CEP128: variants seen among roughly 807,000 people sequenced by gnomAD.
The protein encoded by CEP128 is centrosomal protein 128, also known as centrosomal protein 128kDa.
A neutral mutation model predicts 156.7 loss-of-function variants in CEP128; 132 were observed. The ratio of observed to expected loss-of-function variants is 0.84; its 90% CI spans 0.73 to 0.97. CEP128 has a LOEUF of 0.97. CEP128 is among the 50% of genes least tolerant of loss of function. CEP128 has a pLI of 0.00. For missense variants in CEP128, 1,252 were observed against 1,281.9 expected (o/e 0.98, Z 0.36); for synonymous variants, 469 against 448.9 (o/e 1.04, Z -0.57).
In CEP128 at chr14:80,770,251, T is replaced by C. The variant is rs972044156; in HGVS notation, c.2376+7631A>G. Among the ~76,000 whole-genome samples the C allele has an allele frequency of 3.9e-5, 6 of 152,338 alleles. No individual in the cohort carries two copies. The East Asian group carries it at 1.2e-3, about 29-fold the overall frequency. ...TAAAATCAACCTCTTTGATTGTAAA[T>C]AGTTGGTAGGAAAGTCATTGCCAAT... On this transcript the variant is annotated intron_variant, in intron 16 of 24. Transcript: ENST00000555265.
At chr14:80,600,735 T>A (rs1892545975) in intron 19 of CEP128, among the ~76,000 whole-genome samples, 1 of 152,174 alleles carries the variant, frequency 6.6e-6, no homozygotes, top group East Asian at 1.9e-4. Context: ...TAGACAAAAA[T>A]GTATTTTTTT....
intron 19 of CEP128, among the ~76,000 whole-genome samples, chr14:80,594,853 G>A (rs1181564234): frequency 6.6e-6 from 1 of 152,134 alleles, no homozygotes; most frequent in Non-Finnish European, 1.5e-5. Flanking sequence ...GCAGAAATAG[G>A]AACACTTTTA....
Position 80,743,244 on chromosome 14 carries a change from C to G in CEP128, c.2637G>C (p.Glu879Asp). ...ESKTKLQWLC[E>D]ELKERENREK... ...CTCTGTTTTCTCTCTCTTTCAGTTC[C>G]TCACAGAGCCACTGAAGTTTAGTCT... Residue 879 changes from glutamate (E) to aspartate (D), a missense_variant, in exon 19 of 25, where the codon GAG becomes GAC. Coordinates refer to ENST00000555265, the MANE Select transcript of CEP128 (RefSeq NM_152446.5). 1 of 1,612,742 alleles carries G rather than the reference C, an allele frequency of 6.2e-7. No individual in the cohort carries two copies. Among genetic ancestry groups the G allele is most frequent in the Non-Finnish European group, 8.5e-7 (1 of 1,179,330 alleles).
At chr14:80,853,689 G>T (rs2140126873) in intron 9 of CEP128, among the ~76,000 whole-genome samples, 1 of 151,934 alleles carries the variant, frequency 6.6e-6, no homozygotes, top group East Asian at 1.9e-4. Flanking sequence ...CAATAAAAAT[G>T]CCAGCATGAT....
intron 19 of CEP128, among the ~76,000 whole-genome samples, chr14:80,645,772 T>G (rs1779236353): frequency 6.6e-6 from 1 of 152,126 alleles, no homozygotes; most frequent in African/African-American, 2.4e-5. Flanking sequence ...TGCACATGAA[T>G]GTTTACAGCA....
At chr14:80,561,913 T>TA (rs1566781226) in intron 20 of CEP128, among the ~76,000 whole-genome samples, 3 of 148,498 alleles carry the variant, frequency 2.0e-5, no homozygotes, top group South Asian at 2.1e-4. Context: ...TATATATATA[T>TA]TTGTTTTGTT....
intron 8 of CEP128, among the ~76,000 whole-genome samples, chr14:80,864,025 G>A (rs767195549): frequency 2.6e-5 from 4 of 152,178 alleles, no homozygotes; most frequent in Non-Finnish European, 2.9e-5. Flanking sequence ...TGCTGAGATA[G>A]CAAGACCAAT....
At chr14:80,837,681 A>G (rs1200100707) in intron 11 of CEP128, among the ~76,000 whole-genome samples, 1 of 152,206 alleles carries the variant, frequency 6.6e-6, no homozygotes, top group African/African-American at 2.4e-5. Flanking sequence ...GCGCCACTGC[A>G]CTCCAGCCTG....
intron 19 of CEP128, among the ~76,000 whole-genome samples, chr14:80,733,997 G>A (rs1335560087): frequency 6.6e-6 from 1 of 152,034 alleles, no homozygotes; most frequent in Non-Finnish European, 1.5e-5. Flanking sequence ...TCATGTTTCA[G>A]CCAAGTTCTT....
At chr14:80,495,080 T>C (rs1887447220), downstream of CEP128, among the ~76,000 whole-genome samples, 1 of 152,106 alleles carries the variant, frequency 6.6e-6, no homozygotes, top group South Asian at 2.1e-4. Flanking sequence ...ACCAAAAAGG[T>C]CAACCTTCAA....
chr14:80,578,791 C>T (rs1459657175), intron 20 of CEP128, among the ~76,000 whole-genome samples: 2 of 152,164 alleles, frequency 1.3e-5, no homozygotes, highest in Non-Finnish European at 2.9e-5. Flanking sequence ...CTGTGATATG[C>T]TTCTGGACTC....
At chr14:80,500,065 T>C (rs1166485462) in intron 24 of CEP128, among the ~76,000 whole-genome samples, 1 of 152,238 alleles carries the variant, frequency 6.6e-6, no homozygotes, top group African/African-American at 2.4e-5. Context: ...TCTTCCCTTC[T>C]TCCTGGCAGA....
chr14:80,575,204 T>C (rs2140427299), intron 20 of CEP128, among the ~76,000 whole-genome samples: 2 of 151,418 alleles, frequency 1.3e-5, no homozygotes, highest in East Asian at 3.9e-4. Context: ...TGTTAGAAAT[T>C]AACAAGATTG....
At chr14:80,812,658 T>C (rs1297408544) in intron 13 of CEP128, among the ~76,000 whole-genome samples, 1 of 152,180 alleles carries the variant, frequency 6.6e-6, no homozygotes, top group East Asian at 1.9e-4. Context: ...AACCTCCATC[T>C]CCTGGGTTCA....
chr14:80,791,067 T>C (rs1283119714), intron 14 of CEP128, among the ~76,000 whole-genome samples: 1 of 152,212 alleles, frequency 6.6e-6, no homozygotes, highest in Non-Finnish European at 1.5e-5. Context: ...TGTGATTTTA[T>C]TGAGAATTAA....
At chr14:80,940,169 GA>G (rs1030301927) in intron 1 of CEP128, among the ~76,000 whole-genome samples, 10 of 146,322 alleles carry the variant, frequency 6.8e-5, no homozygotes, top group East Asian at 1.9e-4. Flanking sequence ...ACCATTTCAA[GA>G]AAAAAAAAAG....
intron 14 of CEP128, among the ~76,000 whole-genome samples, chr14:80,787,772 C>A (rs1901489116): frequency 6.6e-6 from 1 of 152,160 alleles, no homozygotes; most frequent in Non-Finnish European, 1.5e-5. Flanking sequence ...GGATTAAAAT[C>A]ATATTTTCAT....
At chr14:80,831,324 T>C (rs376227582) in intron 12 of CEP128, 30 bp from the exon 13 acceptor site, 33 of 1,607,944 alleles carry the variant, frequency 2.1e-5, no homozygotes, top group African/African-American at 2.7e-5. Flanking sequence ...GGCTCAAGGG[T>C]TGTTCTTTAT....
chr14:80,943,919 G>A (rs765534103), upstream of CEP128, among the ~76,000 whole-genome samples: 34 of 151,766 alleles, frequency 2.2e-4, no homozygotes, highest in Admixed American at 3.3e-4. Context: ...ATTTGAACCT[G>A]GGAGGTGGAG....
Sources: gnomAD v4.1 joint callset for allele counts (sites outside exome capture counted in the v4.1 genomes callset) on GRCh38, gnomAD v4.1.1 for gene constraint, MANE v1.5 for transcripts, NCBI Gene and HGNC (gene_info 2026-07-23, HGNC 2026-07-21) for gene names.